Variants in ACACA observed in about 807,000 individuals in gnomAD.
ACACA encodes the protein acetyl-CoA carboxylase alpha.
A neutral mutation model predicts 296.1 loss-of-function variants in ACACA; 103 were observed. The observed-to-expected ratio is 0.35, with a 90% CI of 0.30 to 0.41. ACACA has a LOEUF of 0.41. Ranked by LOEUF, ACACA falls within the 10% of genes least tolerant of loss-of-function variation. ACACA has a pLI of 1.00. For missense variants in ACACA, 1,554 were observed against 2,989.7 expected, an observed-to-expected ratio of 0.52 and a Z score of 11.20; for synonymous variants, 953 against 1,038.6, an observed-to-expected ratio of 0.92 and a Z score of 1.58.
intron 22 of ACACA, among the ~76,000 whole-genome samples, chr17:37,242,478 A>T (rs986449928): frequency 6.6e-6 from 1 of 152,222 alleles, no homozygotes; most frequent in Non-Finnish European, 1.5e-5. Flanking sequence ...CTGTAACCTC[A>T]GCACTTTGGG....
rs951332560 is a variant in ACACA at position 37,359,209 on chromosome 17, T to G, written c.39-19359A>C. 2.1e-5 allele frequency: 19 copies of G among 901,212 alleles called. No individual in the cohort carries two copies. The African/African-American group carries it at 3.4e-4, about 16-fold the overall frequency. 55.8% of individuals were successfully genotyped at this position (901,212 alleles called of 1,614,324 possible). On this transcript the variant is annotated intron_variant, in intron 1 of 55. Coordinates refer to ENST00000616317, the MANE Select transcript of ACACA (RefSeq NM_198834.3). ...ACCTCAGCCGGCGAGCTCCATGAGG[T>G]GACTACGTCCGGGGTTACTCCAGGC...
chr17:37,327,904 C>A (rs1023405998), intron 3 of ACACA, among the ~76,000 whole-genome samples: 8 of 152,132 alleles, frequency 5.3e-5, no homozygotes, highest in Non-Finnish European at 1.2e-4. Flanking sequence ...CCAGTCACAA[C>A]CCCCCAACAC....
intron 11 of ACACA, among the ~76,000 whole-genome samples, chr17:37,260,386 C>T (rs1259462243): frequency 1.4e-5 from 2 of 146,182 alleles, no homozygotes; most frequent in Non-Finnish European, 3.0e-5. Flanking sequence ...TCACTGTAAC[C>T]TCCGCCTCTC....
At chr17:37,137,793 A>G (rs2075393610) in intron 45 of ACACA, among the ~76,000 whole-genome samples, 1 of 152,218 alleles carries the variant, frequency 6.6e-6, no homozygotes, top group Non-Finnish European at 1.5e-5. Flanking sequence ...TAAGTACTAT[A>G]AAGTCATATT....
At chr17:37,108,426 T>C (rs944695831) in intron 52 of ACACA, among the ~76,000 whole-genome samples, 2 of 152,130 alleles carry the variant, frequency 1.3e-5, no homozygotes, top group Non-Finnish European at 2.9e-5. Context: ...TTTGCTCTTC[T>C]TGCCCAGGCT....
At chr17:37,212,272 C>T (rs2078780064) in intron 29 of ACACA, among the ~76,000 whole-genome samples, 1 of 152,166 alleles carries the variant, frequency 6.6e-6, no homozygotes, top group Non-Finnish European at 1.5e-5. Context: ...TGGGAGTCTT[C>T]ACAGGATGAC....
chr17:37,129,521 G>T, intron 46 of ACACA, 36 bp from the exon 47 acceptor site: 1 of 1,613,058 alleles, frequency 6.2e-7, no homozygotes, highest in South Asian at 1.1e-5. Flanking sequence ...AGCAATCAGT[G>T]AACGACAGCC....
intron 3 of ACACA, among the ~76,000 whole-genome samples, chr17:37,288,418 C>T (rs1802785503): frequency 6.6e-6 from 1 of 152,050 alleles, no homozygotes; most frequent in Non-Finnish European, 1.5e-5. Flanking sequence ...AAGTATATAC[C>T]ATATGACTCC....
chr17:37,086,984 G>A lies in ACACA; in HGVS notation c.*332C>T, dbSNP rs981467629. ...TGCTGGGAGGCCAAGGGGCTGTCAG[G>A]ACAGGAGGGGCAGCCCTACTTTGGT... On this transcript the variant is annotated 3_prime_UTR_variant, in exon 56 of 56. Transcript: ENST00000616317. 5 of 397,736 alleles carry A rather than the reference G, an allele frequency of 1.3e-5. No homozygotes were observed. The highest frequency in any genetic ancestry group is 1.9e-5 in the Non-Finnish European group (4 of 209,398). 24.6% of individuals were successfully genotyped at this position (397,736 alleles called of 1,614,324 possible).
intron 3 of ACACA, among the ~76,000 whole-genome samples, chr17:37,286,690 T>G (rs1167312050): frequency 6.6e-6 from 1 of 152,190 alleles, no homozygotes; most frequent in East Asian, 1.9e-4. Flanking sequence ...TGTGGCTCTT[T>G]GGCAGTCAGA....
intron 52 of ACACA, among the ~76,000 whole-genome samples, chr17:37,103,243 G>A (rs939730367): frequency 2.6e-5 from 4 of 152,116 alleles, no homozygotes; most frequent in African/African-American, 7.2e-5. Flanking sequence ...TAAAAGTGGC[G>A]TCTATAAAGA....
intron 10 of ACACA, among the ~76,000 whole-genome samples, chr17:37,264,205 A>G (rs995285100): frequency 6.6e-6 from 1 of 152,240 alleles, no homozygotes; most frequent in African/African-American, 2.4e-5. Context: ...ACAGGGCAAA[A>G]TACTGCCATC....
chr17:37,222,552 C>G (rs1184993737), intron 28 of ACACA, among the ~76,000 whole-genome samples: 2 of 152,150 alleles, frequency 1.3e-5, no homozygotes, highest in African/African-American at 4.8e-5. Flanking sequence ...CATTTCACAG[C>G]AAATTTGCCA....
At chr17:37,207,130 TTG>T (rs373777787) in intron 31 of ACACA, among the ~76,000 whole-genome samples, 4 of 152,188 alleles carry the variant, frequency 2.6e-5, no homozygotes, top group African/African-American at 9.7e-5. Flanking sequence ...TAAAGCTTTT[TTG>T]TTTGTTTTGT....
At chr17:37,356,389 A>T (rs141426739) in intron 1 of ACACA, among the ~76,000 whole-genome samples, 1,723 of 151,698 alleles carry the variant, frequency 0.011, 35 homozygotes, top group African/African-American at 0.038. Flanking sequence ...TATTATTATT[A>T]TTTTTTTGAG....
In ACACA at chr17:37,257,704, A is replaced by C; in HGVS notation, c.1825T>G (p.Ser609Ala). 1 of 1,614,010 alleles carries C rather than the reference A, an allele frequency of 6.2e-7. No individual in the cohort carries two copies. Among genetic ancestry groups the C allele is most frequent in the Non-Finnish European group, 8.5e-7 (1 of 1,179,986 alleles). Residue 609 changes from serine to alanine, a missense_variant and splice_region_variant, in exon 14 of 56, where the codon TCA (serine) becomes GCA (alanine). Transcript: ENST00000616317. ...GCAATCAAATGCTATTATACTCACG[A>C]AATTGCCTCTTCTCTGTTTTCTCCC... ...SWGENREEAISNMVVALKELS... is the reference protein window; with the variant it reads ...SWGENREEAIANMVVALKELS...
intron 39 of ACACA, among the ~76,000 whole-genome samples, chr17:37,186,565 T>C (rs923812874): frequency 3.3e-5 from 5 of 152,186 alleles, no homozygotes; most frequent in Non-Finnish European, 4.4e-5. Flanking sequence ...GCACCAGAAC[T>C]GGGTTGGAGG....
chr17:37,379,627 C>A (rs2050157701), intron 1 of ACACA, among the ~76,000 whole-genome samples: 3 of 152,010 alleles, frequency 2.0e-5, no homozygotes, highest in African/African-American at 7.2e-5. Context: ...CATGAACAGA[C>A]ACTTCTCAAA....
chr17:37,160,985 G>A (rs1002908379), intron 42 of ACACA, among the ~76,000 whole-genome samples: 2 of 152,174 alleles, frequency 1.3e-5, no homozygotes, highest in Non-Finnish European at 2.9e-5. Flanking sequence ...GGCTGAGCTA[G>A]GGTATAGGAC....
Sources: allele counts gnomAD v4.1 joint callset (sites outside exome capture counted in the v4.1 genomes callset), GRCh38; gene constraint gnomAD v4.1.1; transcripts MANE v1.5; gene names NCBI Gene and HGNC (gene_info 2026-07-23, HGNC 2026-07-21).